ATE1: variants seen among roughly 807,000 people sequenced by gnomAD.
ATE1 encodes the protein arginyl-tRNA--protein transferase 1.
Under a neutral mutation model 70.5 loss-of-function variants are expected in ATE1, and 36 were observed. That is an observed-to-expected ratio of 0.51 (90% CI 0.39 to 0.67). The LOEUF is 0.67. Among genes scored for constraint, ATE1 ranks in the 30% least tolerant of loss-of-function variants. The pLI, the probability that ATE1 is intolerant of heterozygous loss-of-function variation, is 0.00. For missense variants in ATE1, 593 were observed against 629.5 expected (o/e 0.94, Z 0.62); for synonymous variants, 232 against 219.3 (o/e 1.06, Z -0.51).
intron 11 of ATE1, among the ~76,000 whole-genome samples, chr10:121,760,618 A>G (rs187678823): frequency 3.3e-5 from 5 of 152,350 alleles, no homozygotes; most frequent in African/African-American, 1.2e-4. Flanking sequence ...AAGAGCAAAG[A>G]AAGTGATTGC....
At position 121,744,109 on chromosome 10, in the gene ATE1, G is replaced by A. The variant is rs1944249497; in HGVS notation, c.1379-251C>T. Among the ~76,000 whole-genome samples the A allele has an allele frequency of 2.6e-5, 4 of 151,000 alleles. No individual in the cohort carries two copies. The South Asian group carries it at 8.4e-4, about 32-fold the overall frequency. ...GGCTAATTTTTGTATTTTTAGTAGA[G>A]ATGGGATTTCACCATGTTGGCCAGG... On this transcript the variant is annotated intron_variant, in intron 11 of 11. Coordinates refer to ENST00000224652, the MANE Select transcript of ATE1 (RefSeq NM_001001976.3).
At chr10:121,793,074 A>ATTAT (rs754493144) in intron 10 of ATE1, among the ~76,000 whole-genome samples, 3 of 152,246 alleles carry the variant, frequency 2.0e-5, no homozygotes, top group Non-Finnish European at 4.4e-5. Context: ...CAACTCAATA[A>ATTAT]TAAGAACACA....
intron 11 of ATE1, among the ~76,000 whole-genome samples, chr10:121,759,280 T>G (rs1011843661): frequency 2.0e-5 from 3 of 152,174 alleles, no homozygotes; most frequent in Non-Finnish European, 4.4e-5. Context: ...GCCACAACAT[T>G]CTCTTAACTC....
At chr10:121,893,935 C>G (rs571887856) in intron 7 of ATE1, among the ~76,000 whole-genome samples, 1 of 151,926 alleles carries the variant, frequency 6.6e-6, no homozygotes, top group Non-Finnish European at 1.5e-5. Context: ...GTCAGGAGTT[C>G]GAGACCAGCC....
rs76921831 is a variant in ATE1, at chr10:121,927,327, CT to C, written c.106+516del. The C allele has an allele frequency of 2.4e-3, 1,671 of 689,100 alleles. 1 individual carries two copies. Among genetic ancestry groups the C allele is most frequent in the South Asian group, 4.3e-3 (64 of 15,050 alleles). 42.7% of individuals were successfully genotyped at this position (689,100 alleles called of 1,614,324 possible). On this transcript the variant is annotated intron_variant, in intron 1 of 11. Transcript: ENST00000224652. ...CGACCGCGGTCACCAGTTTCTTGTC[CT>C]TTTTTTTTTTAACTTTTTTTTTTTT...
At chr10:121,877,299 C>T (rs1950085665) in intron 7 of ATE1, among the ~76,000 whole-genome samples, 2 of 152,122 alleles carry the variant, frequency 1.3e-5, no homozygotes, top group African/African-American at 4.8e-5. Context: ...GAAAAAAACA[C>T]CTTCTGGTTT....
chr10:121,765,193 A>G (rs2132910), intron 11 of ATE1, among the ~76,000 whole-genome samples: 127,131 of 152,178 alleles, frequency 0.84, 53,584 homozygotes, highest in East Asian at 0.93. Flanking sequence ...GCTTCTGAAG[A>G]TGCAGAGTCC....
intron 8 of ATE1, among the ~76,000 whole-genome samples, chr10:121,851,293 G>T (rs906787833): frequency 6.6e-6 from 1 of 151,978 alleles, no homozygotes; most frequent in African/African-American, 2.4e-5. Flanking sequence ...GGTGGCACAT[G>T]CCTGTACTCC....
In ATE1 at chr10:121,910,891, A is replaced by G. The variant is rs1386636723; in HGVS notation, c.583+15T>C. The G allele has an allele frequency of 6.2e-7, 1 of 1,612,790 alleles. No individual in the cohort carries two copies. Among genetic ancestry groups the G allele is most frequent in the Admixed American group, 1.7e-5 (1 of 59,596 alleles). On this transcript the variant is annotated intron_variant, in intron 5 of 11. Transcript: ENST00000224652. The stretch of plus-strand genomic sequence containing the variant: ...AAAGCCGTGAATATGACTTGGTATC[A>G]AAAATCTTTACTACCTGGCTTAGGA...
At chr10:121,830,170 T>C (rs1948181648) in intron 10 of ATE1, among the ~76,000 whole-genome samples, 1 of 152,236 alleles carries the variant, frequency 6.6e-6, no homozygotes, top group African/African-American at 2.4e-5. Flanking sequence ...GTATCTGCTA[T>C]GGTTTGACCT....
At chr10:121,815,739 T>G (rs987347665) in intron 10 of ATE1, among the ~76,000 whole-genome samples, 1 of 152,230 alleles carries the variant, frequency 6.6e-6, no homozygotes, top group Non-Finnish European at 1.5e-5. Context: ...AGAGTCAGAC[T>G]ACCCACAGAA....
At chr10:121,836,841 C>A (rs370260924) in intron 9 of ATE1, 24 bp from the exon 10 acceptor site, 52 of 1,448,572 alleles carry the variant, frequency 3.6e-5, no homozygotes, top group Non-Finnish European at 4.9e-5. Context: ...AAGAAGAAAG[C>A]TGAAGGCAGT....
intron 11 of ATE1, among the ~76,000 whole-genome samples, chr10:121,759,723 C>CAAAAAA (rs869041308): frequency 1.4e-5 from 1 of 72,742 alleles, no homozygotes; most frequent in Non-Finnish European, 2.9e-5. Flanking sequence ...GACTCCGTCT[C>CAAAAAA]AAAAAAAAAA....
rs145962636 is a variant in ATE1 at position 121,900,924 on chromosome 10, G to A, written c.814-930C>T. The stretch of plus-strand genomic sequence containing the variant: ...GTATTCAACTCTGTTTACAATTTTG[G>A]AAGGACAAAAAAATCTGTATCCAAA... On this transcript the variant is annotated intron_variant, in intron 6 of 11. Coordinates refer to ENST00000224652, the MANE Select transcript of ATE1 (RefSeq NM_001001976.3). Among the ~76,000 whole-genome samples the A allele has an allele frequency of 1.9e-3, 282 of 152,194 alleles. 4 individuals carry two copies. The East Asian group carries it at 0.049, about 27-fold the overall frequency.
chr10:121,857,584 C>CA (rs1377845220), intron 8 of ATE1, among the ~76,000 whole-genome samples: 3 of 152,288 alleles, frequency 2.0e-5, no homozygotes, highest in Admixed American at 2.0e-4. Flanking sequence ...TTTGACCCAG[C>CA]AATCCCATTA....
chr10:121,846,651 G>A (rs988453342), intron 8 of ATE1: 3 of 152,070 alleles, frequency 2.0e-5, no homozygotes, highest in African/African-American at 7.3e-5. Flanking sequence ...AACCAGTACA[G>A]ATTTCTTTGT....
Position 121,750,259 on chromosome 10 carries a change from G to A in ATE1, c.1379-6401C>T, listed in dbSNP as rs10466216. Among the ~76,000 whole-genome samples the A allele has an allele frequency of 4.3e-3, 655 of 152,204 alleles. 11 individuals carry two copies. The highest frequency in any genetic ancestry group is 0.015 in the African/African-American group (608 of 41,532). ...TTCTTAGGTGATCTTGAAGATAACAGAAAAATAAGCCATTTGGAGATTAAG... is the reference window on the plus strand; with the variant it reads ...TTCTTAGGTGATCTTGAAGATAACAAAAAAATAAGCCATTTGGAGATTAAG... On this transcript the variant is annotated intron_variant, in intron 11 of 11. Transcript: ENST00000224652.
chr10:121,904,103 C>A (rs974871662), intron 5 of ATE1, among the ~76,000 whole-genome samples: 11 of 151,548 alleles, frequency 7.3e-5, no homozygotes, highest in African/African-American at 2.7e-4. Context: ...CTGCCTCAGC[C>A]TCCAGAGTAG....
intron 11 of ATE1, among the ~76,000 whole-genome samples, chr10:121,762,271 G>A (rs113178034): frequency 1.4e-4 from 22 of 152,202 alleles, no homozygotes; most frequent in Middle Eastern, 3.4e-3. Flanking sequence ...TGGAAGCTAC[G>A]TAGTGTCCTT....
Sources: allele counts gnomAD v4.1 joint callset (sites outside exome capture counted in the v4.1 genomes callset), GRCh38; gene constraint gnomAD v4.1.1; transcripts MANE v1.5; gene names NCBI Gene and HGNC (gene_info 2026-07-23, HGNC 2026-07-21).